Variants in MAST2 observed in about 807,000 individuals in gnomAD.
MAST2 encodes the protein microtubule associated serine/threonine kinase 2, also known as microtubule-associated serine/threonine-protein kinase 2.
A neutral mutation model predicts 147.4 loss-of-function variants in MAST2; 70 were observed. The observed-to-expected ratio is 0.47, with a 90% CI of 0.39 to 0.58. The LOEUF (loss-of-function observed/expected upper bound fraction) is 0.58, where lower values mean the gene tolerates loss of function less well. MAST2 is among the 20% of genes least tolerant of loss of function. MAST2 has a pLI of 0.00. For synonymous variants in MAST2, 869 were observed against 896.8 expected (o/e 0.97, Z 0.55); for missense variants, 2,080 against 2,302.3 (o/e 0.90, Z 1.98).
chr1:45,852,884 C>T (rs945205708), intron 3 of MAST2, among the ~76,000 whole-genome samples: 4 of 151,986 alleles, frequency 2.6e-5, no homozygotes, highest in East Asian at 3.9e-4. Flanking sequence ...TTTGAATCTG[C>T]ACCACTGGCA....
chr1:45,985,156 C>A (rs1644562576), intron 5 of MAST2, among the ~76,000 whole-genome samples: 1 of 151,998 alleles, frequency 6.6e-6, no homozygotes, highest in African/African-American at 2.4e-5. Context: ...CTCCCGGGTT[C>A]AAATGATTTT....
At chr1:45,854,654 T>C (rs535215808) in intron 3 of MAST2, among the ~76,000 whole-genome samples, 8 of 152,286 alleles carry the variant, frequency 5.3e-5, no homozygotes, top group Admixed American at 3.9e-4. Context: ...AACTAAACTT[T>C]TACCTACTCT....
chr1:45,971,055 A>G (rs1643896659), intron 5 of MAST2, among the ~76,000 whole-genome samples: 1 of 152,254 alleles, frequency 6.6e-6, no homozygotes. Flanking sequence ...AAAGTAATAC[A>G]AACTATGACA....
At chr1:45,936,848 A>C (rs562521391) in intron 4 of MAST2, among the ~76,000 whole-genome samples, 1 of 152,232 alleles carries the variant, frequency 6.6e-6, no homozygotes, top group African/African-American at 2.4e-5. Context: ...AAGCCCCCTA[A>C]GTACCTCAGA....
chr1:45,844,440 G>A (rs949304940), intron 3 of MAST2, among the ~76,000 whole-genome samples: 2 of 151,980 alleles, frequency 1.3e-5, no homozygotes, highest in African/African-American at 4.8e-5. Flanking sequence ...CTGCCACCAT[G>A]CCCAGCTAAT....
chr1:45,917,033 G>T (rs1034397660), intron 4 of MAST2, among the ~76,000 whole-genome samples: 4 of 152,314 alleles, frequency 2.6e-5, no homozygotes, highest in African/African-American at 9.6e-5. Flanking sequence ...AGCCAAGATC[G>T]TGCCATTGCA....
chr1:45,902,139 A>G (rs899099589), intron 4 of MAST2, among the ~76,000 whole-genome samples: 3 of 152,104 alleles, frequency 2.0e-5, no homozygotes, highest in Non-Finnish European at 2.9e-5. Context: ...GGTTGTTACT[A>G]TTTTGAGGTG....
intron 4 of MAST2, among the ~76,000 whole-genome samples, chr1:45,903,785 G>A (rs953271151): frequency 2.0e-5 from 3 of 152,128 alleles, no homozygotes; most frequent in East Asian, 1.9e-4. Context: ...TTCCTGAATC[G>A]GGTCTCCATA....
intron 4 of MAST2, among the ~76,000 whole-genome samples, chr1:45,897,446 CT>C (rs1648920824): frequency 6.6e-6 from 1 of 152,190 alleles, no homozygotes; most frequent in Non-Finnish European, 1.5e-5. Context: ...AGTTGCAACC[CT>C]GGTCCTAGGA....
intron 4 of MAST2, among the ~76,000 whole-genome samples, chr1:45,926,278 T>A (rs1654346883): frequency 6.6e-6 from 1 of 152,238 alleles, no homozygotes; most frequent in South Asian, 2.1e-4. Context: ...TGTTTAGATA[T>A]TACCTGGGCT....
intron 5 of MAST2, 109 bp downstream of exon 5, chr1:45,959,586 C>G (rs916823633): frequency 1.1e-6 from 1 of 886,354 alleles, no homozygotes; most frequent in African/African-American, 1.7e-5. Flanking sequence ...TGTCACTTTA[C>G]TTGGCTGACT....
intron 4 of MAST2, among the ~76,000 whole-genome samples, chr1:45,922,937 T>C (rs928756640): frequency 1.3e-5 from 2 of 152,190 alleles, no homozygotes. Flanking sequence ...GCCAGTTGTT[T>C]ACATGGTGAT....
At chr1:45,912,993 C>A (rs769256512) in intron 4 of MAST2, among the ~76,000 whole-genome samples, 1 of 152,120 alleles carries the variant, frequency 6.6e-6, no homozygotes, top group Non-Finnish European at 1.5e-5. Flanking sequence ...CTTAGCTTAC[C>A]CTTCAATAGA....
At chr1:45,964,696 G>GT (rs571718413) in intron 5 of MAST2, among the ~76,000 whole-genome samples, 12 of 151,880 alleles carry the variant, frequency 7.9e-5, no homozygotes, top group African/African-American at 2.7e-4. Flanking sequence ...TTTTTGAAGG[G>GT]TTTTTTTGTG....
At chr1:45,857,790 C>G (rs1289657629) in intron 3 of MAST2, among the ~76,000 whole-genome samples, 2 of 151,802 alleles carry the variant, frequency 1.3e-5, no homozygotes, top group Admixed American at 1.3e-4. Context: ...GTGATGTTCC[C>G]CTTCCTGTGT....
chr1:46,030,617 G>C lies in MAST2; in HGVS notation c.2564G>C (p.Ser855Thr). 6.2e-7 allele frequency: 1 copy of C among 1,609,752 alleles called. No individual in the cohort carries two copies. Among genetic ancestry groups the C allele is most frequent in the South Asian group, 1.1e-5 (1 of 90,202 alleles). Residue 855 changes from serine to threonine, a missense_variant, in exon 22 of 29, where the codon AGC (serine) becomes ACC (threonine). Physicochemically the swap from Ser to Thr is moderately conservative, Grantham distance 58. Coordinates refer to ENST00000361297, the MANE Select transcript of MAST2 (RefSeq NM_015112.3). ...CCCCTGTGCCCACAGGTGTACAGCA[G>C]CATGGAGCGGCTCTCACTGCTCGAG... ...CSPRFNKVYS[S>T]MERLSLLEER... is the part of the protein sequence containing the mutation.
chr1:45,907,255 G>A lies in MAST2; in HGVS notation c.500+24860G>A, dbSNP rs1193895403. ...GAGAGCAGAAGGTCTTAATTTTGAT[G>A]TTCTTTGTGAGTTTTTATAGTTAGT... On this transcript the variant is annotated intron_variant, in intron 4 of 28. Transcript: ENST00000361297. 2.6e-5 allele frequency among the ~76,000 whole-genome samples: 4 copies of A among 152,096 alleles called. No individual in the cohort carries two copies. The East Asian group carries it at 5.8e-4, about 22-fold the overall frequency.
At chr1:45,907,553 A>G (rs1182020222) in intron 4 of MAST2, among the ~76,000 whole-genome samples, 1 of 151,626 alleles carries the variant, frequency 6.6e-6, no homozygotes, top group Non-Finnish European at 1.5e-5. Context: ...TGCCTCCCAA[A>G]TTCAAGCAAT....
At chr1:45,820,459 A>G (rs1384593505) in intron 1 of MAST2, among the ~76,000 whole-genome samples, 1 of 152,200 alleles carries the variant, frequency 6.6e-6, no homozygotes, top group Non-Finnish European at 1.5e-5. Flanking sequence ...CTAGTTTGAA[A>G]TGGTACCAGT....
Sources: allele counts gnomAD v4.1 joint callset (sites outside exome capture counted in the v4.1 genomes callset), GRCh38; gene constraint gnomAD v4.1.1; transcripts MANE v1.5; gene names NCBI Gene and HGNC (gene_info 2026-07-23, HGNC 2026-07-21).